COL4A5: variants seen among roughly 807,000 people sequenced by gnomAD.
COL4A5 encodes the protein collagen alpha-5(IV) chain.
A neutral mutation model predicts 130.2 loss-of-function variants in COL4A5; 26 were observed. That is an observed-to-expected ratio of 0.20 (90% CI 0.15 to 0.28). COL4A5 has a LOEUF of 0.28. COL4A5 is among the 10% of genes least tolerant of loss of function. The probability of loss-of-function intolerance (pLI) is 1.00; values close to 1 mark genes in which losing one functional copy is unlikely to be tolerated. For synonymous variants in COL4A5, 496 were observed against 439.6 expected (o/e 1.13, Z -1.60); for missense variants, 1,131 against 1,344.3 (o/e 0.84, Z 2.48).
At chrX:108,596,702 A>G in intron 22 of COL4A5, among the ~76,000 whole-genome samples, 1 of 112,120 alleles carries the variant, frequency 8.9e-6, no homozygotes, top group African/African-American at 3.2e-5. Flanking sequence ...AACGTTGTGC[A>G]TAGTATTTGG....
In COL4A5 at chrX:108,444,402, G is replaced by A. The variant is rs562119240; in HGVS notation, c.81+4196G>A. Among the ~76,000 whole-genome samples the A allele has an allele frequency of 7.9e-4, 87 of 110,557 alleles. No individual in the cohort carries two copies. The South Asian group carries it at 0.016, about 20-fold the overall frequency. On this transcript the variant is annotated intron_variant, in intron 1 of 52. Transcript: ENST00000328300. ...GCCGGGCTAATTTTTTGCATTTTTA[G>A]TAGAGACGGGGTTTCACCATGTTAG...
chrX:108,511,695 A>G lies in COL4A5; in HGVS notation c.82-28051A>G, dbSNP rs1302892402. Among the ~76,000 whole-genome samples, 4 of 112,134 alleles carry G rather than the reference A, an allele frequency of 3.6e-5. No individual in the cohort carries two copies. In the East Asian group the frequency reaches 8.3e-4, roughly 23 times the overall value. On this transcript the variant is annotated intron_variant, in intron 1 of 52. Coordinates refer to ENST00000328300, the MANE Select transcript of COL4A5 (RefSeq NM_033380.3). ...ATTGTTTTTCAACAAGGATGCCAAGACAGTTGGAGGAAAGAAAATATTCTT... is the reference window on the plus strand; with the variant it reads ...ATTGTTTTTCAACAAGGATGCCAAGGCAGTTGGAGGAAAGAAAATATTCTT...
At chrX:108,461,061 G>A (rs1187950386) in intron 1 of COL4A5, among the ~76,000 whole-genome samples, 1 of 110,234 alleles carries the variant, frequency 9.1e-6, no homozygotes, top group African/African-American at 3.3e-5. Context: ...ACTATATAAT[G>A]GGAAAAAAAA....
intron 42 of COL4A5, among the ~76,000 whole-genome samples, chrX:108,673,558 A>G (rs2068245995): frequency 9.1e-6 from 1 of 110,273 alleles, no homozygotes; most frequent in Admixed American, 9.7e-5. Context: ...TAGAGTAAAT[A>G]TGATATTTTC....
intron 1 of COL4A5, among the ~76,000 whole-genome samples, chrX:108,528,599 A>G (rs2065349963): frequency 8.9e-6 from 1 of 112,479 alleles, no homozygotes. Flanking sequence ...GAGATATAAG[A>G]TAATTCCGAA....
At chrX:108,629,884 C>A (rs1363940132) in intron 36 of COL4A5, among the ~76,000 whole-genome samples, 1 of 110,681 alleles carries the variant, frequency 9.0e-6, no homozygotes, top group East Asian at 2.9e-4. Flanking sequence ...GTTCAATTCC[C>A]ACCTATGAGT....
At chrX:108,604,923 G>T (rs1310885088) in intron 28 of COL4A5, among the ~76,000 whole-genome samples, 5 of 111,789 alleles carry the variant, frequency 4.5e-5, no homozygotes, top group Non-Finnish European at 9.4e-5. Context: ...CTTTTCTTCT[G>T]CAGCTTCTTC....
intron 19 of COL4A5, among the ~76,000 whole-genome samples, chrX:108,590,790 A>G (rs1320481140): frequency 9.0e-6 from 1 of 111,726 alleles, no homozygotes; most frequent in Non-Finnish European, 1.9e-5. Context: ...TTTTGAGATT[A>G]TAAGAACAGA....
chrX:108,622,151 C>T (rs1361785377), intron 32 of COL4A5, among the ~76,000 whole-genome samples: 10 of 112,151 alleles, frequency 8.9e-5, no homozygotes, highest in East Asian at 2.8e-4. Flanking sequence ...TCTTTTGAGA[C>T]GGAGTCTCGC....
intron 48 of COL4A5, among the ~76,000 whole-genome samples, chrX:108,687,049 C>T (rs922028964): frequency 4.5e-5 from 5 of 112,195 alleles, no homozygotes; most frequent in Non-Finnish European, 9.4e-5. Flanking sequence ...GGAAGGGAAG[C>T]CAGTGGTGGA....
At chrX:108,585,496 A>G (rs1952828624) in intron 18 of COL4A5, among the ~76,000 whole-genome samples, 3 of 111,735 alleles carry the variant, frequency 2.7e-5, no homozygotes, top group East Asian at 2.8e-4. Context: ...GTACAGTCCT[A>G]TTTAGCAGCC....
At chrX:108,597,920 G>A (rs967102668) in intron 24 of COL4A5, among the ~76,000 whole-genome samples, 3 of 111,274 alleles carry the variant, frequency 2.7e-5, no homozygotes, top group Admixed American at 9.6e-5. Context: ...ACTGGGCATG[G>A]TGGCTCACAC....
chrX:108,574,898 C>G (rs1416975211), intron 9 of COL4A5, among the ~76,000 whole-genome samples: 1 of 110,985 alleles, frequency 9.0e-6, no homozygotes, highest in Non-Finnish European at 1.9e-5. Context: ...AGCAATCCTC[C>G]CACCTCAGCT....
At chrX:108,613,636 A>G (rs2066875379) in intron 29 of COL4A5, among the ~76,000 whole-genome samples, 2 of 111,948 alleles carry the variant, frequency 1.8e-5, no homozygotes, top group African/African-American at 6.5e-5. Flanking sequence ...TTGAGTAGAT[A>G]CCTTACCAAA....
chrX:108,646,655 C>A (rs2067596858), intron 36 of COL4A5, among the ~76,000 whole-genome samples: 3 of 111,842 alleles, frequency 2.7e-5, no homozygotes, highest in African/African-American at 9.8e-5. Context: ...AGTCCTTGCC[C>A]ATGCCTGTGT....
chrX:108,562,607 C>G lies in COL4A5; in HGVS notation c.232-1275C>G, dbSNP rs1418594796. 2.7e-5 allele frequency among the ~76,000 whole-genome samples: 3 copies of G among 111,379 alleles called. No individual in the cohort carries two copies. In the East Asian group the frequency reaches 8.5e-4, roughly 31 times the overall value. ...AAAAAGAGAGAAGGTAAACTGCTTT[C>G]TAAACTTTCAGGATTCTGAATTTGA... is the stretch of plus-strand genomic sequence containing the variant. On this transcript the variant is annotated intron_variant, in intron 3 of 52. Coordinates refer to ENST00000328300, the MANE Select transcript of COL4A5 (RefSeq NM_033380.3).
At chrX:108,446,328 C>T (rs1261649542) in intron 1 of COL4A5, among the ~76,000 whole-genome samples, 1 of 111,826 alleles carries the variant, frequency 8.9e-6, no homozygotes, top group Admixed American at 9.5e-5. Context: ...AATTTATTTA[C>T]CTGTTCACTT....
intron 40 of COL4A5, 58 bp downstream of exon 40, chrX:108,667,241 T>G (rs2147956763): frequency 9.5e-7 from 1 of 1,051,733 alleles, no homozygotes; most frequent in East Asian, 3.0e-5. Context: ...TATTTCCAAA[T>G]ACATCTATTT....
chrX:108,557,632 A>G (rs1270040401), intron 2 of COL4A5, among the ~76,000 whole-genome samples: 1 of 106,013 alleles, frequency 9.4e-6, no homozygotes, highest in Non-Finnish European at 1.9e-5. Context: ...TAAACTTAGT[A>G]CTTACAAAAC....
Sources: allele counts gnomAD v4.1 joint callset (sites outside exome capture counted in the v4.1 genomes callset), GRCh38; gene constraint gnomAD v4.1.1; transcripts MANE v1.5; gene names NCBI Gene and HGNC (gene_info 2026-07-23, HGNC 2026-07-21).